GRM5: variants seen among roughly 807,000 people sequenced by gnomAD.
GRM5 encodes the protein glutamate metabotropic receptor 5.
Under a neutral mutation model 83.1 loss-of-function variants are expected in GRM5, and 19 were observed. The observed-to-expected ratio is 0.23, with a 90% CI of 0.16 to 0.34. The LOEUF (loss-of-function observed/expected upper bound fraction) is 0.34. Ranked by LOEUF, GRM5 falls within the 10% of genes least tolerant of loss-of-function variation. GRM5 has a pLI of 1.00. For synonymous variants in GRM5, 675 were observed against 633.6 expected, an observed-to-expected ratio of 1.07 and a Z score of -0.98; for missense variants, 1,160 against 1,588.3, an observed-to-expected ratio of 0.73 and a Z score of 4.58.
chr11:88,988,007 G>A (rs952186407), intron 2 of GRM5, among the ~76,000 whole-genome samples: 10 of 151,564 alleles, frequency 6.6e-5, no homozygotes, highest in African/African-American at 1.2e-4. Flanking sequence ...AAAGCTGGAC[G>A]GAGAACGACT....
chr11:88,753,084 A>T (rs1942316522), intron 3 of GRM5, among the ~76,000 whole-genome samples: 1 of 152,214 alleles, frequency 6.6e-6, no homozygotes. Context: ...AAGCAATTGC[A>T]ACAAAAGCAA....
chr11:88,674,315 A>T (rs1403329231), intron 3 of GRM5, among the ~76,000 whole-genome samples: 1 of 151,678 alleles, frequency 6.6e-6, no homozygotes, highest in Non-Finnish European at 1.5e-5. Flanking sequence ...TTTCCTAGAG[A>T]TTTGTCTTTG....
Position 88,506,214 on chromosome 11 carries a change from CT to C in GRM5, c.*2377del, listed in dbSNP as rs1473897252. The C allele has an allele frequency of 6.6e-6, 1 of 152,044 alleles. No individual in the cohort carries two copies. Among genetic ancestry groups the C allele is most frequent in the Non-Finnish European group, 1.5e-5 (1 of 67,982 alleles). The allele number at this position is 152,044 out of a possible 1,614,324, so 9.4% of individuals were successfully genotyped here. A position where few individuals can be genotyped will look rare whatever the true frequency, so the allele number is the denominator to read the frequency against. On this transcript the variant is annotated 3_prime_UTR_variant, in exon 10 of 10. Coordinates refer to ENST00000305447, the MANE Select transcript of GRM5 (RefSeq NM_001143831.3). ...ATGAAGTTTTTTATAAGGTAGTGTG[CT>C]TTTTAAGAGATATGTTACTAAAAAA...
intron 2 of GRM5, among the ~76,000 whole-genome samples, chr11:88,970,826 G>T (rs1939145564): frequency 6.6e-6 from 1 of 152,158 alleles, no homozygotes; most frequent in East Asian, 1.9e-4. Flanking sequence ...TGGTATGTAG[G>T]GGCCCAGCTA....
chr11:88,688,133 A>T (rs1277384696), intron 3 of GRM5, among the ~76,000 whole-genome samples: 1 of 152,188 alleles, frequency 6.6e-6, no homozygotes, highest in East Asian at 1.9e-4. Context: ...GACAAGTGTG[A>T]TTATAGTCCT....
Position 88,937,582 on chromosome 11 carries a change from G to A in GRM5, c.662-87427C>T, listed in dbSNP as rs964009170. ...TGGCTGGATATTTACACAAAATACA[G>A]TCTTTTAACTAGAAGGAAACAAAAT... On this transcript the variant is annotated intron_variant, in intron 2 of 9. Transcript: ENST00000305447. Among the ~76,000 whole-genome samples, 93 of 151,798 alleles carry A rather than the reference G, an allele frequency of 6.1e-4. 3 individuals are homozygous for A. The highest frequency in any genetic ancestry group is 5.9e-3 in the Admixed American group (89 of 15,174).
chr11:88,649,259 A>G (rs190319223), intron 4 of GRM5, among the ~76,000 whole-genome samples: 1,283 of 98,724 alleles, frequency 0.013, 29 homozygotes, highest in African/African-American at 0.044. Flanking sequence ...CATATGTATT[A>G]CATATATATT....
intron 2 of GRM5, among the ~76,000 whole-genome samples, chr11:89,008,185 A>T (rs1940583494): frequency 6.6e-6 from 1 of 152,182 alleles, no homozygotes; most frequent in Non-Finnish European, 1.5e-5. Context: ...CTTCTTTGAA[A>T]ACCTATGCTG....
At chr11:88,966,907 T>C (rs1938992775) in intron 2 of GRM5, among the ~76,000 whole-genome samples, 1 of 152,120 alleles carries the variant, frequency 6.6e-6, no homozygotes, top group Admixed American at 6.6e-5. Flanking sequence ...GCATAATCTT[T>C]AGCAGTGTGT....
At chr11:88,993,672 A>G (rs1353187599) in intron 2 of GRM5, among the ~76,000 whole-genome samples, 2 of 152,126 alleles carry the variant, frequency 1.3e-5, no homozygotes, top group African/African-American at 4.8e-5. Flanking sequence ...AGATATGAGA[A>G]CTATAAATGA....
intron 8 of GRM5, among the ~76,000 whole-genome samples, chr11:88,532,786 A>T (rs1468861693): frequency 6.6e-6 from 1 of 152,218 alleles, no homozygotes; most frequent in Non-Finnish European, 1.5e-5. Flanking sequence ...AATATTAAAG[A>T]TGTTTACAGA....
intron 3 of GRM5, among the ~76,000 whole-genome samples, chr11:88,736,304 G>A (rs942633234): frequency 6.6e-6 from 1 of 152,032 alleles, no homozygotes; most frequent in African/African-American, 2.4e-5. Flanking sequence ...GACTTCTGCG[G>A]GATCTTTGTG....
chr11:88,734,697 C>T (rs1450198039), intron 3 of GRM5, among the ~76,000 whole-genome samples: 1 of 151,990 alleles, frequency 6.6e-6, no homozygotes, highest in African/African-American at 2.4e-5. Context: ...ATATTTTCAT[C>T]ATTTTCTGTC....
chr11:89,060,285 T>TAC (rs36002872), intron 1 of GRM5, among the ~76,000 whole-genome samples: 1,304 of 80,870 alleles, frequency 0.016, 10 homozygotes, highest in South Asian at 0.053. Flanking sequence ...TATATATATA[T>TAC]ACACACACAC....
At chr11:88,842,396 T>C (rs568066426) in intron 3 of GRM5, among the ~76,000 whole-genome samples, 46 of 152,328 alleles carry the variant, frequency 3.0e-4, no homozygotes, top group African/African-American at 1.0e-3. Context: ...CTTCCCAAAA[T>C]ACTGGCTTAT....
At chr11:88,614,762 A>G (rs1391748277) in intron 4 of GRM5, among the ~76,000 whole-genome samples, 1 of 152,186 alleles carries the variant, frequency 6.6e-6, no homozygotes, top group African/African-American at 2.4e-5. Flanking sequence ...TCCACACTGT[A>G]TATATAAAGA....
chr11:88,959,310 T>C (rs565626468), intron 2 of GRM5, among the ~76,000 whole-genome samples: 2 of 151,960 alleles, frequency 1.3e-5, no homozygotes, highest in African/African-American at 4.8e-5. Flanking sequence ...AATAAATATA[T>C]TCATAAAAAT....
At chr11:88,529,142 T>C (rs1420463755) in intron 8 of GRM5, among the ~76,000 whole-genome samples, 1 of 152,040 alleles carries the variant, frequency 6.6e-6, no homozygotes, top group Non-Finnish European at 1.5e-5. Flanking sequence ...CCTATGCCTG[T>C]ACCAGGCAGG....
intron 1 of GRM5, among the ~76,000 whole-genome samples, chr11:89,055,611 C>A (rs1394683893): frequency 1.3e-5 from 2 of 152,094 alleles, no homozygotes; most frequent in South Asian, 4.2e-4. Context: ...ACTCAAAACA[C>A]AATTTTAATC....
Sources: gnomAD v4.1 joint callset for allele counts (sites outside exome capture counted in the v4.1 genomes callset) on GRCh38, gnomAD v4.1.1 for gene constraint, MANE v1.5 for transcripts, NCBI Gene and HGNC (gene_info 2026-07-23, HGNC 2026-07-21) for gene names.